The following STK33 variants were observed in gnomAD, a reference collection of about 807,000 sequenced individuals.
The protein encoded by STK33 is serine/threonine kinase 33.
Under a neutral mutation model 58.0 loss-of-function variants are expected in STK33, and 52 were observed. The observed-to-expected ratio is 0.90, with a 90% CI of 0.72 to 1.13. The LOEUF (loss-of-function observed/expected upper bound fraction) is 1.13, where lower values mean the gene tolerates loss of function less well. Among genes scored for constraint, STK33 ranks in the 50% most tolerant of loss-of-function variants. The pLI is 0.00. For synonymous variants in STK33, 215 were observed against 200.1 expected, an observed-to-expected ratio of 1.07 and a Z score of -0.63; for missense variants, 630 against 604.2, an observed-to-expected ratio of 1.04 and a Z score of -0.45.
chr11:8,346,502 G>A, the STK33 span, among the ~76,000 whole-genome samples: 13 of 152,200 alleles, frequency 8.5e-5, no homozygotes, highest in African/African-American at 3.1e-4. Flanking sequence ...TTTCTGGCAT[G>A]GGCACCGGTG....
chr11:8,476,097 T>C (rs1348259214), intron 4 of STK33, among the ~76,000 whole-genome samples: 3 of 152,224 alleles, frequency 2.0e-5, no homozygotes, highest in African/African-American at 4.8e-5. Flanking sequence ...GCTAGTAGTT[T>C]ACCTAAAAGT....
chr11:8,402,662 A>G (rs1318013497), intron 15 of STK33, among the ~76,000 whole-genome samples: 1 of 152,126 alleles, frequency 6.6e-6, no homozygotes, highest in African/African-American at 2.4e-5. Flanking sequence ...TTTCATTGAA[A>G]CCATTCCTCT....
At chr11:8,390,442 A>G (rs1027328660), downstream of STK33, among the ~76,000 whole-genome samples, 1 of 152,144 alleles carries the variant, frequency 6.6e-6, no homozygotes, top group Non-Finnish European at 1.5e-5. Context: ...CAGCTGTGAA[A>G]GCAAATGGAG....
At chr11:8,469,613 T>A (rs1478005046) in intron 6 of STK33, among the ~76,000 whole-genome samples, 2 of 152,240 alleles carry the variant, frequency 1.3e-5, no homozygotes, top group African/African-American at 4.8e-5. Context: ...TGATGAATCC[T>A]TTCCAAAAGG....
intron 1 of STK33, among the ~76,000 whole-genome samples, chr11:8,586,629 G>C (rs2031687214): frequency 1.3e-5 from 2 of 152,044 alleles, no homozygotes. Context: ...TTTCAGACCA[G>C]CCTGGCCAAC....
chr11:8,561,955 C>A (rs1396857999), intron 1 of STK33, among the ~76,000 whole-genome samples: 1 of 152,002 alleles, frequency 6.6e-6, no homozygotes, highest in Non-Finnish European at 1.5e-5. Context: ...ATAGACAGAC[C>A]AATTTCTCCC....
chr11:8,345,957 G>C, the STK33 span, among the ~76,000 whole-genome samples: 1 of 152,192 alleles, frequency 6.6e-6, no homozygotes, highest in Non-Finnish European at 1.5e-5. Flanking sequence ...TAGGTGGTTG[G>C]TCTTTTTGCT....
At chr11:8,544,688 T>G (rs1257518774) in intron 1 of STK33, among the ~76,000 whole-genome samples, 1 of 152,002 alleles carries the variant, frequency 6.6e-6, no homozygotes, top group Non-Finnish European at 1.5e-5. Context: ...CCAAACTATT[T>G]CCCTTTAAAG....
At chr11:8,429,762 A>G (rs1017788145) in intron 14 of STK33, among the ~76,000 whole-genome samples, 1 of 152,028 alleles carries the variant, frequency 6.6e-6, no homozygotes, top group Non-Finnish European at 1.5e-5. Context: ...GCCTGTTCCA[A>G]TACTCATCTT....
chr11:8,491,057 C>T lies in STK33; in HGVS notation c.-465-10443G>A, dbSNP rs532857055. 1.6e-4 allele frequency among the ~76,000 whole-genome samples: 24 copies of T among 152,288 alleles called. No homozygotes were observed. In the East Asian group the frequency reaches 3.5e-3, roughly 22 times the overall value. ...TCTCCTCCAAAGGATTGCAGCTCCT[C>T]GCCAGTAACAGAACAAAGCTGGACA... On this transcript the variant is annotated intron_variant, in intron 1 of 15. Coordinates refer to ENST00000687296, the MANE Select transcript of STK33 (RefSeq NM_001352389.2).
At chr11:8,552,181 G>C (rs936128726) in intron 1 of STK33, among the ~76,000 whole-genome samples, 1 of 152,234 alleles carries the variant, frequency 6.6e-6, no homozygotes, top group East Asian at 1.9e-4. Context: ...AATTCTCTGT[G>C]AGTGGCATTA....
intron 1 of STK33, among the ~76,000 whole-genome samples, chr11:8,530,131 A>G (rs1452873918): frequency 6.6e-6 from 1 of 152,216 alleles, no homozygotes; most frequent in Non-Finnish European, 1.5e-5. Flanking sequence ...AGCATCACAC[A>G]GTGTCCTGAA....
chr11:8,497,929 A>G (rs1951187286), intron 1 of STK33, among the ~76,000 whole-genome samples: 1 of 152,166 alleles, frequency 6.6e-6, no homozygotes, highest in South Asian at 2.1e-4. Flanking sequence ...TTTGTAGACC[A>G]ATTTCCCTTA....
chr11:8,542,315 G>T (rs1445344045), intron 1 of STK33, among the ~76,000 whole-genome samples: 1 of 152,160 alleles, frequency 6.6e-6, no homozygotes, highest in Non-Finnish European at 1.5e-5. Context: ...AGGAAATACT[G>T]ACAGACAAAA....
intron 15 of STK33, among the ~76,000 whole-genome samples, chr11:8,407,784 A>G (rs762810032): frequency 1.3e-5 from 2 of 152,162 alleles, no homozygotes; most frequent in Non-Finnish European, 2.9e-5. Flanking sequence ...GGAAAAGGTA[A>G]TGACAAAACT....
chr11:8,340,452 C>G, the STK33 span, among the ~76,000 whole-genome samples: 1 of 152,244 alleles, frequency 6.6e-6, no homozygotes, highest in Non-Finnish European at 1.5e-5. Flanking sequence ...TCCTGGAGAA[C>G]CCCTCCTCCA....
intron 14 of STK33, among the ~76,000 whole-genome samples, chr11:8,425,269 C>T (rs562940302): frequency 1.1e-4 from 16 of 152,104 alleles, no homozygotes; most frequent in Non-Finnish European, 1.6e-4. Context: ...TTGTTTTTGT[C>T]AGGTTTGTCA....
At chr11:8,567,131 C>A (rs1393824637) in intron 1 of STK33, 2 of 151,982 alleles carry the variant, frequency 1.3e-5, no homozygotes, top group East Asian at 3.9e-4. Flanking sequence ...CAGAGTGAGA[C>A]CCTGTCTCAA....
intron 14 of STK33, among the ~76,000 whole-genome samples, chr11:8,429,096 G>T (rs1375648783): frequency 6.6e-6 from 1 of 152,058 alleles, no homozygotes; most frequent in African/African-American, 2.4e-5. Flanking sequence ...CAAATTCAAA[G>T]AGAAGAATGA....
Sources: allele counts gnomAD v4.1 joint callset (sites outside exome capture counted in the v4.1 genomes callset), GRCh38; gene constraint gnomAD v4.1.1; transcripts MANE v1.5; gene names NCBI Gene and HGNC (gene_info 2026-07-23, HGNC 2026-07-21).